DDX10: variants seen among roughly 807,000 people sequenced by gnomAD.
DDX10 encodes the protein DEAD-box helicase 10, also known as probable ATP-dependent RNA helicase DDX10.
In DDX10, 74 loss-of-function variants were observed where a neutral mutation model predicts 104.3. The observed-to-expected ratio is 0.71, with a 90% CI of 0.59 to 0.86. The LOEUF is 0.86. Among genes scored for constraint, DDX10 ranks in the 40% least tolerant of loss-of-function variants. DDX10 has a pLI of 0.00. For synonymous variants in DDX10, 351 were observed against 353.4 expected (o/e 0.99, Z 0.08); for missense variants, 952 against 1,040.0 (o/e 0.92, Z 1.16).
chr11:108,767,253 G>A (rs2094357481), intron 13 of DDX10: 1 of 152,178 alleles, frequency 6.6e-6, no homozygotes. Context: ...TGGAGAAAAG[G>A]CAGTATAAAA....
rs141117701 is a variant in DDX10 at position 108,822,498 on chromosome 11, G to T, written c.1966-15948G>T. 21 of 286,996 alleles carry T rather than the reference G, an allele frequency of 7.3e-5. No individual in the cohort carries two copies. The East Asian group carries it at 2.0e-3, about 28-fold the overall frequency. The allele number at this position is 286,996 out of a possible 1,614,324, so 17.8% of individuals were successfully genotyped here. On this transcript the variant is annotated intron_variant, in intron 13 of 17. Coordinates refer to ENST00000322536, the MANE Select transcript of DDX10 (RefSeq NM_004398.4). ...AGGTGATGCCTTTGTTCTTATTGGT[G>T]TCTGTGTAAGAGTATCCAACGGCCT...
At chr11:108,774,550 T>C (rs1406084582) in intron 13 of DDX10, among the ~76,000 whole-genome samples, 1 of 152,166 alleles carries the variant, frequency 6.6e-6, no homozygotes, top group South Asian at 2.1e-4. Flanking sequence ...ACCTGAGGTA[T>C]TGTTTTTTTT....
chr11:108,678,450 T>A lies in DDX10; in HGVS notation c.658+15T>A. On this transcript the variant is annotated intron_variant, in intron 5 of 17. Transcript: ENST00000322536. Reference sequence around the variant, plus strand: ...CCAAATGTTAGGTGAGTCAAATCAATTTCTAATTTAAAAAAAAAAAAAGCT... The same window carrying A: ...CCAAATGTTAGGTGAGTCAAATCAAATTCTAATTTAAAAAAAAAAAAAGCT... 6.4e-7 allele frequency: 1 copy of A among 1,560,254 alleles called. No homozygotes were observed. The highest frequency in any genetic ancestry group is 8.6e-7 in the Non-Finnish European group (1 of 1,160,584).
intron 16 of DDX10, among the ~76,000 whole-genome samples, chr11:108,901,248 T>G (rs551208123): frequency 6.6e-6 from 1 of 152,342 alleles, no homozygotes; most frequent in South Asian, 2.1e-4. Flanking sequence ...CCAAAGTCCC[T>G]TACCATGCGT....
intron 13 of DDX10, among the ~76,000 whole-genome samples, chr11:108,759,326 A>G (rs961433010): frequency 2.6e-5 from 4 of 152,088 alleles, no homozygotes; most frequent in East Asian, 1.9e-4. Context: ...CTTCAAATAA[A>G]TAGCATTTGT....
intron 16 of DDX10, among the ~76,000 whole-genome samples, chr11:108,891,821 A>G (rs1299884190): frequency 1.3e-5 from 2 of 152,162 alleles, no homozygotes; most frequent in Non-Finnish European, 2.9e-5. Flanking sequence ...TGGAGCCAGA[A>G]TTCTCCAGAA....
At chr11:108,671,407 G>A (rs1441006339) in intron 1 of DDX10, among the ~76,000 whole-genome samples, 1 of 152,180 alleles carries the variant, frequency 6.6e-6, no homozygotes, top group African/African-American at 2.4e-5. Context: ...CAGGTGATCC[G>A]CCTGCCTTGG....
chr11:108,669,157 C>T (rs552420228), intron 1 of DDX10, among the ~76,000 whole-genome samples: 32 of 151,692 alleles, frequency 2.1e-4, no homozygotes, highest in African/African-American at 7.0e-4. Context: ...ACAGTGGCAC[C>T]ATCATGGCTC....
chr11:108,858,690 T>C (rs970435687), intron 16 of DDX10, among the ~76,000 whole-genome samples: 30 of 152,236 alleles, frequency 2.0e-4, no homozygotes, highest in Non-Finnish European at 5.9e-5. Context: ...CCTTCACGCA[T>C]GCCTTATTTG....
At chr11:108,719,406 A>G (rs919842126) in intron 11 of DDX10, among the ~76,000 whole-genome samples, 1 of 152,088 alleles carries the variant, frequency 6.6e-6, no homozygotes, top group Non-Finnish European at 1.5e-5. Context: ...CTTTTTTGAT[A>G]GATGAGGATA....
At chr11:108,686,973 G>T (rs144197432) in intron 6 of DDX10, among the ~76,000 whole-genome samples, 48 of 152,148 alleles carry the variant, frequency 3.2e-4, no homozygotes, top group African/African-American at 1.0e-3. Flanking sequence ...TTTTAGTAGA[G>T]ATGGGGTCTC....
chr11:108,740,578 G>A (rs897045418), intron 13 of DDX10, among the ~76,000 whole-genome samples: 2 of 152,124 alleles, frequency 1.3e-5, no homozygotes, highest in Non-Finnish European at 2.9e-5. Context: ...TTCCACAGTG[G>A]CTGAACTAAT....
At chr11:108,714,351 A>G (rs1180987761) in intron 10 of DDX10, among the ~76,000 whole-genome samples, 1 of 149,902 alleles carries the variant, frequency 6.7e-6, no homozygotes, top group Non-Finnish European at 1.5e-5. Context: ...CCCTGTACTC[A>G]CCTCTCTCTT....
At chr11:108,686,395 T>G (rs1274799111) in intron 6 of DDX10, among the ~76,000 whole-genome samples, 1 of 152,220 alleles carries the variant, frequency 6.6e-6, no homozygotes, top group Non-Finnish European at 1.5e-5. Flanking sequence ...GCTCTGCCTA[T>G]TCATTTATTC....
chr11:108,691,745 C>CT (rs1006014126), intron 7 of DDX10, 131 bp from the exon 8 acceptor site: 16 of 630,570 alleles, frequency 2.5e-5, no homozygotes, highest in Non-Finnish European at 3.7e-5. Context: ...AGTTTCTTTA[C>CT]TTTTTTTACT....
rs766536526 is a variant in DDX10 at position 108,679,393 on chromosome 11, C to A, written c.681C>A (p.Ile227=). Residue 227 remains isoleucine, a synonymous_variant, in exon 6 of 18, where the codon ATC becomes ATA. Transcript: ENST00000322536. ...QMLVLDEADR[I]LDMGFADTMN... is the part of the protein sequence containing the mutation. Reference sequence around the variant, plus strand: ...CAGTTCTTGATGAAGCAGATAGAATCTTGGATATGGGCTTTGCTGATACCA... The same window carrying A: ...CAGTTCTTGATGAAGCAGATAGAATATTGGATATGGGCTTTGCTGATACCA... 1 of 1,599,258 alleles carries A rather than the reference C, an allele frequency of 6.3e-7. No homozygotes were observed. Among genetic ancestry groups the A allele is most frequent in the Non-Finnish European group, 8.5e-7 (1 of 1,176,570 alleles).
At chr11:108,722,598 A>C (rs537826001) in intron 12 of DDX10, among the ~76,000 whole-genome samples, 1 of 152,074 alleles carries the variant, frequency 6.6e-6, no homozygotes, top group Non-Finnish European at 1.5e-5. Flanking sequence ...AGGTACTCTC[A>C]TGTAGTTAGT....
chr11:108,783,320 G>A (rs1426652939), intron 13 of DDX10, among the ~76,000 whole-genome samples: 1 of 152,100 alleles, frequency 6.6e-6, no homozygotes, highest in Non-Finnish European at 1.5e-5. Flanking sequence ...TAGCAATGAG[G>A]GAATAATTGG....
At chr11:108,699,368 C>T (rs2094264291) in intron 9 of DDX10, among the ~76,000 whole-genome samples, 1 of 152,226 alleles carries the variant, frequency 6.6e-6, no homozygotes, top group Non-Finnish European at 1.5e-5. Context: ...GGCTCTCAGT[C>T]TATCACAAGG....
Sources: gnomAD v4.1 joint callset for allele counts (sites outside exome capture counted in the v4.1 genomes callset) on GRCh38, gnomAD v4.1.1 for gene constraint, MANE v1.5 for transcripts, NCBI Gene and HGNC (gene_info 2026-07-23, HGNC 2026-07-21) for gene names.